The following CADM2 variants were observed in gnomAD, a reference collection of about 807,000 sequenced individuals.
CADM2 encodes the protein cell adhesion molecule 2.
A neutral mutation model predicts 49.8 loss-of-function variants in CADM2; 12 were observed. The observed-to-expected ratio is 0.24, with a 90% CI of 0.15 to 0.39. CADM2 has a LOEUF of 0.39. Ranked by LOEUF, CADM2 falls within the 10% of genes least tolerant of loss-of-function variation. The pLI, the probability that CADM2 is intolerant of heterozygous loss-of-function variation, is 1.00. For synonymous variants in CADM2, 214 were observed against 175.4 expected, an observed-to-expected ratio of 1.22 and a Z score of -1.74; for missense variants, 378 against 492.3, an observed-to-expected ratio of 0.77 and a Z score of 2.20.
chr3:85,351,295 G>C (rs2031318258), intron 1 of CADM2, among the ~76,000 whole-genome samples: 1 of 152,116 alleles, frequency 6.6e-6, no homozygotes, highest in Admixed American at 6.6e-5. Flanking sequence ...TACCATAGTG[G>C]TGGAAATATT....
intron 1 of CADM2, among the ~76,000 whole-genome samples, chr3:85,046,493 A>G (rs530013974): frequency 6.6e-6 from 1 of 151,930 alleles, no homozygotes; most frequent in Non-Finnish European, 1.5e-5. Context: ...TCAGTTGCCA[A>G]TACTAAGTTA....
At chr3:85,428,596 AT>A (rs1472953752) in intron 1 of CADM2, among the ~76,000 whole-genome samples, 4 of 146,254 alleles carry the variant, frequency 2.7e-5, no homozygotes, top group African/African-American at 9.9e-5. Flanking sequence ...TAAAAATAAT[AT>A]TTATTATATA....
intron 8 of CADM2, chr3:86,013,638 G>A: frequency 1.9e-6 from 3 of 1,602,274 alleles, no homozygotes; most frequent in Non-Finnish European, 2.6e-6. Flanking sequence ...CACTGACGAT[G>A]TAGTGGACAT....
At chr3:86,017,168 G>GTA (rs138958837) in intron 8 of CADM2, among the ~76,000 whole-genome samples, 7,362 of 141,378 alleles carry the variant, frequency 0.052, 238 homozygotes, top group Non-Finnish European at 0.079. Context: ...GTGTGTGTGT[G>GTA]TATATATATA....
intron 1 of CADM2, among the ~76,000 whole-genome samples, chr3:85,682,907 G>A (rs1286216965): frequency 6.6e-6 from 1 of 151,954 alleles, no homozygotes; most frequent in Non-Finnish European, 1.5e-5. Context: ...GGAAATAAAT[G>A]TATCTTCAGA....
chr3:85,338,030 C>T lies in CADM2; in HGVS notation c.61+378362C>T, dbSNP rs1195100131. Among the ~76,000 whole-genome samples the T allele has an allele frequency of 7.9e-5, 12 of 151,754 alleles. No homozygotes were observed. The South Asian group carries it at 1.2e-3, about 16-fold the overall frequency. On this transcript the variant is annotated intron_variant, in intron 1 of 9. Transcript: ENST00000383699. Reference sequence around the variant, plus strand: ...CCTTAAGCATCATTGCCTCCATCAGCGCCTCTGCCTATGCCAAATATCTGG... The same window carrying T: ...CCTTAAGCATCATTGCCTCCATCAGTGCCTCTGCCTATGCCAAATATCTGG...
rs202169999 is a variant in CADM2 at position 85,776,211 on chromosome 3, T to C, written c.89-25836T>C. 7.9e-5 allele frequency among the ~76,000 whole-genome samples: 12 copies of C among 151,826 alleles called. No homozygotes were observed. In the East Asian group the frequency reaches 2.1e-3, roughly 27 times the overall value. The stretch of plus-strand genomic sequence containing the variant: ...CACTCATTCTAGGCTTATTATAGTC[T>C]TCATTGAGAAAAATACATCTTTAAG... On this transcript the variant is annotated intron_variant, in intron 2 of 9. Transcript: ENST00000383699.
chr3:85,054,314 A>G lies in CADM2; in HGVS notation c.61+94646A>G, dbSNP rs949153475. Among the ~76,000 whole-genome samples, 8 of 151,716 alleles carry G rather than the reference A, an allele frequency of 5.3e-5. No individual in the cohort carries two copies. In the East Asian group the frequency reaches 9.6e-4, roughly 18 times the overall value. On this transcript the variant is annotated intron_variant, in intron 1 of 9. Transcript: ENST00000383699. ...CAGAAGACTTTCTCTGAGTACAGGGAGCAGCTGGAGAAAATGGAAAGGAGG... is the reference window on the plus strand; with the variant it reads ...CAGAAGACTTTCTCTGAGTACAGGGGGCAGCTGGAGAAAATGGAAAGGAGG...
chr3:85,239,298 CTT>C (rs1201381768), intron 1 of CADM2, among the ~76,000 whole-genome samples: 1 of 151,718 alleles, frequency 6.6e-6, no homozygotes, highest in East Asian at 1.9e-4. Flanking sequence ...AGTGGATATA[CTT>C]TAGATGGCAG....
chr3:85,369,532 G>A (rs997400375), intron 1 of CADM2, among the ~76,000 whole-genome samples: 2 of 152,172 alleles, frequency 1.3e-5, no homozygotes, highest in African/African-American at 4.8e-5. Context: ...ACTTTGGGAG[G>A]CTGAGGCGGG....
intron 8 of CADM2, among the ~76,000 whole-genome samples, chr3:85,970,651 C>T (rs1397465467): frequency 6.6e-6 from 1 of 151,418 alleles, no homozygotes; most frequent in Non-Finnish European, 1.5e-5. Context: ...CACGTTATTA[C>T]TTTTAAAAAC....
chr3:84,980,888 A>T (rs542409422), intron 1 of CADM2, among the ~76,000 whole-genome samples: 2 of 152,204 alleles, frequency 1.3e-5, no homozygotes, highest in Non-Finnish European at 2.9e-5. Context: ...CAAAATTGTT[A>T]GATCCAGAAT....
intron 1 of CADM2, among the ~76,000 whole-genome samples, chr3:85,155,517 A>T (rs185864251): frequency 0.06 from 9,116 of 152,068 alleles, 906 homozygotes; most frequent in African/African-American, 0.21. Flanking sequence ...CACTGTCAAC[A>T]TTAGACAGAT....
At chr3:85,202,625 C>G (rs1167062506) in intron 1 of CADM2, among the ~76,000 whole-genome samples, 1 of 152,040 alleles carries the variant, frequency 6.6e-6, no homozygotes, top group East Asian at 1.9e-4. Context: ...CTTAAAGGCA[C>G]TAGGATTTTT....
At chr3:85,284,868 A>G (rs2043589314) in intron 1 of CADM2, among the ~76,000 whole-genome samples, 1 of 152,054 alleles carries the variant, frequency 6.6e-6, no homozygotes, top group Non-Finnish European at 1.5e-5. Context: ...ACTGTAAAAA[A>G]GATCTGGCAA....
At chr3:85,459,574 C>A (rs947672697) in intron 1 of CADM2, among the ~76,000 whole-genome samples, 16 of 152,074 alleles carry the variant, frequency 1.1e-4, no homozygotes, top group African/African-American at 3.9e-4. Context: ...TTAGTGTGAC[C>A]CTAACCAGAT....
At chr3:85,357,839 A>G (rs2032002416) in intron 1 of CADM2, among the ~76,000 whole-genome samples, 1 of 152,120 alleles carries the variant, frequency 6.6e-6, no homozygotes, top group South Asian at 2.1e-4. Flanking sequence ...AGATGAGAAG[A>G]GTTTCTAAGG....
chr3:85,690,467 A>C (rs761581547), intron 1 of CADM2, among the ~76,000 whole-genome samples: 2 of 152,036 alleles, frequency 1.3e-5, no homozygotes, highest in Non-Finnish European at 2.9e-5. Context: ...TATTACAATT[A>C]CAAGGAAATG....
At chr3:85,926,150 A>AAATG (rs1719827356) in intron 6 of CADM2, among the ~76,000 whole-genome samples, 1 of 89,148 alleles carries the variant, frequency 1.1e-5, no homozygotes, top group African/African-American at 6.5e-5. Flanking sequence ...ATAAATAAAT[A>AAATG]AATAAATAAA....
Sources: gnomAD v4.1 joint callset for allele counts (sites outside exome capture counted in the v4.1 genomes callset) on GRCh38, gnomAD v4.1.1 for gene constraint, MANE v1.5 for transcripts, NCBI Gene and HGNC (gene_info 2026-07-23, HGNC 2026-07-21) for gene names.